RETREG1: variants seen among roughly 807,000 people sequenced by gnomAD.
RETREG1 encodes reticulophagy regulator 1, also known as family with sequence similarity 134 member B.
In RETREG1, 44 loss-of-function variants were observed where a neutral mutation model predicts 54.8. That is an observed-to-expected ratio of 0.80 (90% CI 0.63 to 1.03). The LOEUF is 1.03. Among genes scored for constraint, RETREG1 ranks in the 50% least tolerant of loss-of-function variants. The pLI, the probability that RETREG1 is intolerant of heterozygous loss-of-function variation, is 0.00. For synonymous variants in RETREG1, 217 were observed against 238.5 expected (o/e 0.91, Z 0.83); for missense variants, 554 against 605.1 (o/e 0.92, Z 0.89).
intron 1 of RETREG1, among the ~76,000 whole-genome samples, chr5:16,588,139 T>G (rs1302915848): frequency 6.6e-6 from 1 of 152,182 alleles, no homozygotes; most frequent in East Asian, 1.9e-4. Context: ...AACAAAACAC[T>G]ACAGACAGGG....
intron 3 of RETREG1, among the ~76,000 whole-genome samples, chr5:16,548,195 G>A (rs577011432): frequency 2.0e-5 from 3 of 152,040 alleles, no homozygotes; most frequent in South Asian, 4.2e-4. Context: ...AGTGTTATAC[G>A]TCCATACTCT....
intron 3 of RETREG1, among the ~76,000 whole-genome samples, chr5:16,528,517 C>T (rs780902967): frequency 1.1e-4 from 16 of 152,258 alleles, no homozygotes; most frequent in Admixed American, 5.2e-4. Flanking sequence ...AGGCCAGTCT[C>T]TTCAGGAGCA....
chr5:16,581,713 T>C (rs879310928), intron 1 of RETREG1, among the ~76,000 whole-genome samples: 21 of 151,002 alleles, frequency 1.4e-4, no homozygotes, highest in Non-Finnish European at 1.8e-4. Flanking sequence ...CATCTCTCTA[T>C]AGATTGATGG....
chr5:16,565,891 T>C (rs1741993868), intron 2 of RETREG1, 98 bp from the exon 3 acceptor site: 1 of 1,288,210 alleles, frequency 7.8e-7, no homozygotes, highest in Non-Finnish European at 1.1e-6. Context: ...TAAAGTGGAA[T>C]GCTCAGATCT....
intron 1 of RETREG1, among the ~76,000 whole-genome samples, chr5:16,579,978 ATTTTAAC>A (rs1320637863): frequency 6.6e-6 from 1 of 152,380 alleles, no homozygotes; most frequent in East Asian, 1.9e-4. Context: ...TTTTAAAAAA[ATTTTAAC>A]AGTTCCATCA....
intron 1 of RETREG1, among the ~76,000 whole-genome samples, chr5:16,602,307 A>G (rs113118408): frequency 0.013 from 1,991 of 152,208 alleles, 45 homozygotes; most frequent in African/African-American, 0.045. Flanking sequence ...GTCCAGTATC[A>G]GGGACTCCAA....
At chr5:16,551,311 G>A (rs1741535055) in intron 3 of RETREG1, among the ~76,000 whole-genome samples, 1 of 152,012 alleles carries the variant, frequency 6.6e-6, no homozygotes, top group Non-Finnish European at 1.5e-5. Context: ...AAAAAAACAT[G>A]GAGAACTGTT....
rs991957534 is a variant in RETREG1, at chr5:16,585,290, TTC to T, written c.321-13190_321-13189del. Among the ~76,000 whole-genome samples the T allele has an allele frequency of 3.9e-5, 6 of 152,296 alleles. No individual in the cohort carries two copies. Among genetic ancestry groups the T allele is most frequent in the African/African-American group, 9.6e-5 (4 of 41,558 alleles). ...GGGGAGGAGCAGCAGGGAGTTTGTA[TTC>T]TGTTTGCGTTCTTGTGCCTAAAGAG... is the stretch of plus-strand genomic sequence containing the variant. On this transcript the variant is annotated intron_variant, in intron 1 of 8. Transcript: ENST00000306320. The surrounding 1 kb of genome is among the most constrained non-coding windows in gnomAD (Gnocchi z 4.5).
At chr5:16,568,180 T>C (rs909354674) in intron 2 of RETREG1, among the ~76,000 whole-genome samples, 1 of 150,994 alleles carries the variant, frequency 6.6e-6, no homozygotes, top group African/African-American at 2.4e-5. Flanking sequence ...GAGAGAGAAA[T>C]CCATCCCAGC....
intron 3 of RETREG1, among the ~76,000 whole-genome samples, chr5:16,532,200 A>C (rs1740936165): frequency 6.6e-6 from 1 of 152,194 alleles, no homozygotes; most frequent in Non-Finnish European, 1.5e-5. Flanking sequence ...AGAACATCAG[A>C]AGTCTCATTG....
intron 3 of RETREG1, among the ~76,000 whole-genome samples, chr5:16,543,758 G>A (rs1741311402): frequency 1.3e-5 from 2 of 151,394 alleles, no homozygotes; most frequent in Admixed American, 1.3e-4. Context: ...TATATAAGAA[G>A]AGTTCCAATC....
At chr5:16,546,269 G>A (rs1462570684) in intron 3 of RETREG1, among the ~76,000 whole-genome samples, 1 of 152,000 alleles carries the variant, frequency 6.6e-6, no homozygotes, top group African/African-American at 2.4e-5. Flanking sequence ...CTGGGCTTGA[G>A]TGATCCTCCC....
chr5:16,578,568 A>G (rs773438688), intron 1 of RETREG1, among the ~76,000 whole-genome samples: 1 of 152,220 alleles, frequency 6.6e-6, no homozygotes, highest in Non-Finnish European at 1.5e-5. Flanking sequence ...AAGGACTGTC[A>G]CAGAATCACA....
At chr5:16,506,708 C>A (rs1418217860) in intron 3 of RETREG1, among the ~76,000 whole-genome samples, 2 of 152,122 alleles carry the variant, frequency 1.3e-5, no homozygotes, top group Non-Finnish European at 2.9e-5. Context: ...TTATTTCTAG[C>A]CTAGCTCTAA....
chr5:16,510,815 C>CAAAAAAAAAAAAAAAAAAA (rs1257342479), intron 3 of RETREG1, among the ~76,000 whole-genome samples: 1 of 56,392 alleles, frequency 1.8e-5, no homozygotes, highest in African/African-American at 6.8e-5. Context: ...ACAACAACAA[C>CAAAAAAAAAAAAAAAAAAA]AACAAAAAAA....
intron 1 of RETREG1, among the ~76,000 whole-genome samples, chr5:16,612,751 A>G (rs1162061716): frequency 6.6e-6 from 1 of 152,120 alleles, no homozygotes; most frequent in Non-Finnish European, 1.5e-5. Flanking sequence ...GCATTTTTTC[A>G]TATTTCAGTA....
intron 3 of RETREG1, among the ~76,000 whole-genome samples, chr5:16,512,405 A>G (rs1025285260): frequency 6.6e-6 from 1 of 152,166 alleles, no homozygotes; most frequent in African/African-American, 2.4e-5. Flanking sequence ...ATTTTCCTGT[A>G]TATACTCTCT....
chr5:16,530,271 T>C lies in RETREG1; in HGVS notation c.458+35492A>G, dbSNP rs1373737117. On this transcript the variant is annotated intron_variant, in intron 3 of 8. Coordinates refer to ENST00000306320, the MANE Select transcript of RETREG1 (RefSeq NM_001034850.3). ...AAGTCCTCTCACTATGCTGGGCACA[T>C]ACTTGTGCTCCCAGGGGCATTTCTG... is the stretch of plus-strand genomic sequence containing the variant. Among the ~76,000 whole-genome samples, 5 of 152,200 alleles carry C rather than the reference T, an allele frequency of 3.3e-5. No individual in the cohort carries two copies. In the East Asian group the frequency reaches 9.7e-4, roughly 29 times the overall value.
rs34047511 is a variant in RETREG1 at position 16,501,959 on chromosome 5, C to CT, written c.459-18488dup. 4.4e-3 allele frequency among the ~76,000 whole-genome samples: 596 copies of CT among 136,576 alleles called. 4 individuals are homozygous for CT. The highest frequency in any genetic ancestry group is 0.01 in the African/African-American group (380 of 37,152). The allele number at this position is 136,576 out of a possible 152,430, so 89.6% of individuals were successfully genotyped here. On this transcript the variant is annotated intron_variant, in intron 3 of 8. Coordinates refer to ENST00000306320, the MANE Select transcript of RETREG1 (RefSeq NM_001034850.3). ...TAACTATAAATATTAATTAAGTAAG[C>CT]TTTTTTTTTTTTTTTGAGATGGAGT... is the stretch of plus-strand genomic sequence containing the variant.
Sources: allele counts gnomAD v4.1 joint callset (sites outside exome capture counted in the v4.1 genomes callset), GRCh38; gene constraint gnomAD v4.1.1; non-coding constraint Gnocchi (gnomAD v3.1); transcripts MANE v1.5; gene names NCBI Gene and HGNC (gene_info 2026-07-23, HGNC 2026-07-21).